Variants in ELMO1 observed in about 807,000 individuals in gnomAD.
ELMO1 encodes engulfment and cell motility protein 1.
Under a neutral mutation model 98.9 loss-of-function variants are expected in ELMO1, and 26 were observed. That is an observed-to-expected ratio of 0.26 (90% CI 0.19 to 0.36). The LOEUF (loss-of-function observed/expected upper bound fraction) is 0.36. Among genes scored for constraint, ELMO1 ranks in the 10% least tolerant of loss-of-function variants. The pLI is 1.00. For missense variants in ELMO1, 627 were observed against 935.2 expected (o/e 0.67, Z 4.30); for synonymous variants, 346 against 346.0 (o/e 1.00, Z 0.00).
At chr7:37,312,524 C>A (rs1188979881) in intron 4 of ELMO1, among the ~76,000 whole-genome samples, 1 of 152,188 alleles carries the variant, frequency 6.6e-6, no homozygotes, top group East Asian at 1.9e-4. Context: ...CATGAGACTG[C>A]CCAGAGGGTG....
chr7:36,991,623 A>T (rs1478929332), intron 16 of ELMO1, among the ~76,000 whole-genome samples: 1 of 152,168 alleles, frequency 6.6e-6, no homozygotes, highest in African/African-American at 2.4e-5. Context: ...TATTCCATGG[A>T]AACATTCCCA....
intron 16 of ELMO1, among the ~76,000 whole-genome samples, chr7:36,957,894 C>T (rs1478277342): frequency 2.0e-5 from 3 of 152,186 alleles, no homozygotes; most frequent in South Asian, 2.1e-4. Context: ...GTAGCCCCTC[C>T]GGCACCACCC....
At chr7:37,443,832 A>G (rs1051994229) in intron 1 of ELMO1, among the ~76,000 whole-genome samples, 1 of 152,214 alleles carries the variant, frequency 6.6e-6, no homozygotes, top group Non-Finnish European at 1.5e-5. Flanking sequence ...GGCCACACAC[A>G]TGGTCCTGGG....
intron 15 of ELMO1, 152 bp from the exon 16 acceptor site, chr7:37,013,587 A>C: frequency 1.2e-6 from 1 of 850,574 alleles, no homozygotes; most frequent in Non-Finnish European, 1.8e-6. Flanking sequence ...AAAGCAACCA[A>C]AGGATGGCCC....
At chr7:36,897,325 C>CGTGTGTGTGTGTGTGT (rs11267559) in intron 16 of ELMO1, among the ~76,000 whole-genome samples, 63 of 47,000 alleles carry the variant, frequency 1.3e-3, no homozygotes, top group East Asian at 3.6e-3. Flanking sequence ...AGAAAACAGA[C>CGTGTGTGTGTGTGTGT]GTGTGTGTGT....
intron 1 of ELMO1, among the ~76,000 whole-genome samples, chr7:37,447,392 G>A (rs1231248554): frequency 2.0e-5 from 3 of 151,974 alleles, no homozygotes; most frequent in Non-Finnish European, 4.4e-5. Context: ...CAGCGGTGTT[G>A]GGAAGCCCAT....
chr7:37,369,984 T>A (rs558523327), intron 1 of ELMO1, among the ~76,000 whole-genome samples: 29 of 152,166 alleles, frequency 1.9e-4, no homozygotes, highest in African/African-American at 6.5e-4. Context: ...TGAGAAAACT[T>A]CTAAAAGAAA....
At chr7:36,940,447 T>C (rs950841449) in intron 16 of ELMO1, among the ~76,000 whole-genome samples, 1 of 152,240 alleles carries the variant, frequency 6.6e-6, no homozygotes, top group South Asian at 2.1e-4. Context: ...TATTTGTATA[T>C]TCTTTAGCCC....
intron 16 of ELMO1, among the ~76,000 whole-genome samples, chr7:37,005,035 C>T (rs765474597): frequency 1.0e-4 from 14 of 134,864 alleles, no homozygotes; most frequent in African/African-American, 2.5e-4. Flanking sequence ...CTTGAACCAG[C>T]GAGTTGGAGG....
intron 1 of ELMO1, among the ~76,000 whole-genome samples, chr7:37,389,891 A>C (rs2131414900): frequency 6.6e-6 from 1 of 152,148 alleles, no homozygotes; most frequent in South Asian, 2.1e-4. Context: ...AACAAAAATT[A>C]ATCACCGTAA....
chr7:37,098,999 T>G (rs1278735522), intron 14 of ELMO1, among the ~76,000 whole-genome samples: 1 of 152,260 alleles, frequency 6.6e-6, no homozygotes, highest in East Asian at 1.9e-4. Context: ...GGCTGTGATC[T>G]GCATACACTG....
intron 1 of ELMO1, among the ~76,000 whole-genome samples, chr7:37,402,811 C>A (rs1027853403): frequency 6.6e-6 from 1 of 152,194 alleles, no homozygotes; most frequent in African/African-American, 2.4e-5. Flanking sequence ...TCTTTAATTT[C>A]TGTTCCCAAA....
At chr7:36,962,006 A>G (rs1213759761) in intron 16 of ELMO1, among the ~76,000 whole-genome samples, 1 of 152,248 alleles carries the variant, frequency 6.6e-6, no homozygotes, top group Admixed American at 6.5e-5. Flanking sequence ...CTAAATGGAA[A>G]TGATCTTTTA....
chr7:36,892,862 T>C (rs1463246965), intron 17 of ELMO1, among the ~76,000 whole-genome samples: 2 of 152,210 alleles, frequency 1.3e-5, no homozygotes, highest in Non-Finnish European at 2.9e-5. Flanking sequence ...ATGGTACTTC[T>C]TGGTCCATGG....
At chr7:37,360,234 C>G (rs1397121743) in intron 1 of ELMO1, among the ~76,000 whole-genome samples, 4 of 152,114 alleles carry the variant, frequency 2.6e-5, no homozygotes, top group African/African-American at 7.2e-5. Context: ...TGACATCTTG[C>G]TCTGTCAGAG....
chr7:37,164,642 A>G (rs1466324303), intron 13 of ELMO1, among the ~76,000 whole-genome samples: 4 of 151,726 alleles, frequency 2.6e-5, no homozygotes, highest in East Asian at 1.9e-4. Flanking sequence ...AAGATCAGAT[A>G]GTTGTAGATA....
At chr7:37,297,255 G>T (rs1045041836) in intron 4 of ELMO1, among the ~76,000 whole-genome samples, 1 of 152,182 alleles carries the variant, frequency 6.6e-6, no homozygotes. Context: ...ATTTTTAAAG[G>T]TTGTATAAGT....
chr7:37,230,448 G>T (rs970395291), intron 8 of ELMO1, among the ~76,000 whole-genome samples: 3 of 149,236 alleles, frequency 2.0e-5, no homozygotes, highest in Non-Finnish European at 4.4e-5. Context: ...TGCATGATGA[G>T]GAGGAGAAGC....
intron 14 of ELMO1, among the ~76,000 whole-genome samples, chr7:37,115,716 T>C (rs1318687889): frequency 6.6e-6 from 1 of 150,516 alleles, no homozygotes; most frequent in Non-Finnish European, 1.5e-5. Context: ...ATCACCCCTA[T>C]GTAACATCTT....
Sources: gnomAD v4.1 joint callset for allele counts (sites outside exome capture counted in the v4.1 genomes callset) on GRCh38, gnomAD v4.1.1 for gene constraint, MANE v1.5 for transcripts, NCBI Gene and HGNC (gene_info 2026-07-23, HGNC 2026-07-21) for gene names.